Variants in TBC1D19 observed in about 807,000 individuals in gnomAD.
The protein encoded by TBC1D19 is TBC1 domain family member 19, also known as TBC1 domain family, member 19.
TBC1D19 carries 60 observed loss-of-function variants against 89.0 expected under a neutral mutation model. The observed-to-expected ratio is 0.67, with a 90% confidence interval of 0.55 to 0.84. The LOEUF (loss-of-function observed/expected upper bound fraction) is 0.84, where lower values mean the gene tolerates loss of function less well. Among genes scored for constraint, TBC1D19 ranks in the 40% least tolerant of loss-of-function variants. The pLI is 0.00. For missense variants in TBC1D19, 500 were observed against 610.8 expected, an observed-to-expected ratio of 0.82 and a Z score of 1.91; for synonymous variants, 189 against 199.7, an observed-to-expected ratio of 0.95 and a Z score of 0.45.
chr4:26,721,897 C>T (rs977885425), intron 15 of TBC1D19, among the ~76,000 whole-genome samples: 2 of 152,134 alleles, frequency 1.3e-5, no homozygotes, highest in African/African-American at 4.8e-5. Flanking sequence ...AACCTTTCTT[C>T]ACCTGGCTGT....
chr4:26,714,015 G>A (rs566189905), intron 13 of TBC1D19, among the ~76,000 whole-genome samples: 1 of 152,076 alleles, frequency 6.6e-6, no homozygotes, highest in Non-Finnish European at 1.5e-5. Flanking sequence ...GAATCATGGA[G>A]TACATATTCA....
intron 13 of TBC1D19, among the ~76,000 whole-genome samples, chr4:26,710,423 G>T (rs745702841): frequency 2.2e-4 from 34 of 152,058 alleles, no homozygotes; most frequent in Non-Finnish European, 4.7e-4. Context: ...TCTTAATCCG[G>T]TCTATCATTG....
chr4:26,710,792 T>G (rs1716126623), intron 13 of TBC1D19, among the ~76,000 whole-genome samples: 2 of 152,048 alleles, frequency 1.3e-5, no homozygotes. Context: ...ATGATGAGCA[T>G]TTTTTCATGT....
intron 8 of TBC1D19, among the ~76,000 whole-genome samples, chr4:26,665,154 G>A (rs1039262948): frequency 1.3e-5 from 2 of 152,064 alleles, no homozygotes; most frequent in African/African-American, 4.8e-5. Flanking sequence ...GGGGTCTGCG[G>A]TAGATCTTAG....
the TBC1D19 span, among the ~76,000 whole-genome samples, chr4:26,849,263 C>G: frequency 6.6e-6 from 1 of 152,024 alleles, no homozygotes; most frequent in Non-Finnish European, 1.5e-5. Context: ...GATCTATTAT[C>G]TAATTATTCA....
chr4:26,745,167 C>T (rs1276330828), intron 18 of TBC1D19, among the ~76,000 whole-genome samples: 1 of 151,836 alleles, frequency 6.6e-6, no homozygotes, highest in Non-Finnish European at 1.5e-5. Flanking sequence ...TTGCATGATA[C>T]ATTCTTTTCT....
intron 11 of TBC1D19, among the ~76,000 whole-genome samples, chr4:26,683,319 T>C (rs181844382): frequency 2.0e-4 from 30 of 152,316 alleles, no homozygotes; most frequent in Non-Finnish European, 5.9e-5. Context: ...TAATAATCAC[T>C]GACCTAATTC....
the TBC1D19 span, chr4:26,858,045 C>CA: frequency 2.6e-5 from 4 of 152,252 alleles, no homozygotes; most frequent in Non-Finnish European, 5.9e-5. Context: ...GGGCTCCGCG[C>CA]AAGGGCTTTC....
At chr4:26,786,486 T>G in the TBC1D19 span, among the ~76,000 whole-genome samples, 53 of 151,806 alleles carry the variant, frequency 3.5e-4, 1 homozygote, top group Non-Finnish European at 1.3e-4. Flanking sequence ...TACAAAAAAT[T>G]AGCCAGGCAT....
At chr4:26,747,107 G>A (rs535040708) in intron 18 of TBC1D19, among the ~76,000 whole-genome samples, 69 of 152,200 alleles carry the variant, frequency 4.5e-4, no homozygotes, top group Non-Finnish European at 8.4e-4. Context: ...GTTGGCTATG[G>A]GTAACTGAAA....
chr4:26,581,228 T>C (rs1469196581), upstream of TBC1D19, among the ~76,000 whole-genome samples: 2 of 152,220 alleles, frequency 1.3e-5, no homozygotes, highest in Non-Finnish European at 2.9e-5. Context: ...TTTACTATAC[T>C]CTAAGTTCTG....
intron 13 of TBC1D19, among the ~76,000 whole-genome samples, chr4:26,714,133 C>T (rs1716394876): frequency 6.6e-6 from 1 of 152,048 alleles, no homozygotes; most frequent in African/African-American, 2.4e-5. Flanking sequence ...ATTACTTGAG[C>T]TCAAGAGTTC....
At chr4:26,680,566 T>C (rs539429645) in intron 11 of TBC1D19, among the ~76,000 whole-genome samples, 1 of 152,336 alleles carries the variant, frequency 6.6e-6, no homozygotes, top group East Asian at 1.9e-4. Context: ...TATTAATTAC[T>C]TGATTGTATT....
At chr4:26,672,083 A>G in intron 9 of TBC1D19, 66 bp from the exon 10 acceptor site, 1 of 758,508 alleles carries the variant, frequency 1.3e-6, no homozygotes, top group South Asian at 1.7e-5. Flanking sequence ...AAATGTATCT[A>G]ATGTTGTTCT....
At chr4:26,836,035 T>G in the TBC1D19 span, among the ~76,000 whole-genome samples, 4 of 152,082 alleles carry the variant, frequency 2.6e-5, no homozygotes, top group Non-Finnish European at 5.9e-5. Context: ...GACATGATTT[T>G]GTTTCTATCA....
At chr4:26,669,180 ATT>A (rs988905235) in intron 9 of TBC1D19, among the ~76,000 whole-genome samples, 15 of 151,742 alleles carry the variant, frequency 9.9e-5, no homozygotes, top group Non-Finnish European at 1.8e-4. Context: ...CTAAATAGAC[ATT>A]TTCTTTCTAA....
chr4:26,699,774 A>T (rs1560481660), intron 13 of TBC1D19, among the ~76,000 whole-genome samples: 1 of 151,910 alleles, frequency 6.6e-6, no homozygotes, highest in Non-Finnish European at 1.5e-5. Context: ...CAAAAAACCA[A>T]ACACCACATG....
At chr4:26,817,845 A>G in the TBC1D19 span, among the ~76,000 whole-genome samples, 77,304 of 151,006 alleles carry the variant, frequency 0.51, 19,996 homozygotes, top group East Asian at 0.61. Flanking sequence ...GTGCGTGCCT[A>G]TAATCCCAGC....
chr4:26,593,632 C>A (rs976082544), intron 1 of TBC1D19, among the ~76,000 whole-genome samples: 1 of 152,102 alleles, frequency 6.6e-6, no homozygotes, highest in African/African-American at 2.4e-5. Context: ...TGAACTCAAA[C>A]AAATTTACAA....
Sources: allele counts gnomAD v4.1 joint callset (sites outside exome capture counted in the v4.1 genomes callset), GRCh38; gene constraint gnomAD v4.1.1; transcripts MANE v1.5; gene names NCBI Gene and HGNC (gene_info 2026-07-23, HGNC 2026-07-21).